Variants in LRP1B observed in about 807,000 individuals in gnomAD.
LRP1B encodes low-density lipoprotein receptor-related protein 1B.
In LRP1B, 217 loss-of-function variants were observed where a neutral mutation model predicts 556.6. The observed-to-expected ratio is 0.39, with a 90% CI of 0.35 to 0.44. LRP1B has a LOEUF of 0.44. LRP1B is among the 20% of genes least tolerant of loss of function. LRP1B has a pLI of 1.00. For missense variants in LRP1B, 5,053 were observed against 5,620.8 expected (o/e 0.90, Z 3.23); for synonymous variants, 2,047 against 1,865.8 (o/e 1.10, Z -2.50).
At chr2:140,542,873 G>A (rs1224445125) in intron 43 of LRP1B, among the ~76,000 whole-genome samples, 1 of 152,108 alleles carries the variant, frequency 6.6e-6, no homozygotes, top group Non-Finnish European at 1.5e-5. Context: ...GCACATGTGT[G>A]CGAGCCAACT....
intron 66 of LRP1B, among the ~76,000 whole-genome samples, chr2:140,427,741 C>A (rs990373045): frequency 1.3e-5 from 2 of 151,998 alleles, no homozygotes; most frequent in African/African-American, 4.8e-5. Flanking sequence ...CCGTCCCAAC[C>A]CCAAGCATCA....
chr2:141,082,891 C>T (rs552304099), intron 7 of LRP1B, among the ~76,000 whole-genome samples: 14 of 152,306 alleles, frequency 9.2e-5, no homozygotes, highest in Admixed American at 2.0e-4. Context: ...TGAGCATGGG[C>T]CAAAGTGGCC....
At chr2:141,870,457 T>G (rs1381617613) in intron 1 of LRP1B, among the ~76,000 whole-genome samples, 1 of 151,950 alleles carries the variant, frequency 6.6e-6, no homozygotes, top group Non-Finnish European at 1.5e-5. Flanking sequence ...TTCCAAATAA[T>G]TTAAACACCC....
intron 7 of LRP1B, among the ~76,000 whole-genome samples, chr2:141,074,528 T>C (rs902975540): frequency 1.3e-5 from 2 of 150,890 alleles, no homozygotes; most frequent in South Asian, 2.1e-4. Context: ...AACTTAGCCA[T>C]ATGTCTGCAC....
At chr2:141,582,568 T>G (rs1264860270) in intron 2 of LRP1B, among the ~76,000 whole-genome samples, 1 of 152,090 alleles carries the variant, frequency 6.6e-6, no homozygotes. Context: ...TTAGTTATAT[T>G]TGTGTGGCTC....
At chr2:141,042,350 T>C (rs1452113274) in intron 11 of LRP1B, among the ~76,000 whole-genome samples, 1 of 152,046 alleles carries the variant, frequency 6.6e-6, no homozygotes, top group Non-Finnish European at 1.5e-5. Flanking sequence ...ACATGTGCCA[T>C]GGTATGTGCA....
At chr2:140,648,360 C>A (rs1226792426) in intron 41 of LRP1B, among the ~76,000 whole-genome samples, 1 of 152,016 alleles carries the variant, frequency 6.6e-6, no homozygotes, top group Non-Finnish European at 1.5e-5. Flanking sequence ...ATGGGTGCAG[C>A]ACACCAATAT....
At chr2:140,314,557 A>G (rs1684439231) in intron 83 of LRP1B, among the ~76,000 whole-genome samples, 1 of 152,104 alleles carries the variant, frequency 6.6e-6, no homozygotes, top group South Asian at 2.1e-4. Context: ...AATAATCCTA[A>G]TTTTCAATAA....
At chr2:140,254,702 T>G (rs1183733627) in intron 86 of LRP1B, among the ~76,000 whole-genome samples, 1 of 151,986 alleles carries the variant, frequency 6.6e-6, no homozygotes, top group African/African-American at 2.4e-5. Flanking sequence ...TACAGGCACT[T>G]GCCACCACAC....
chr2:141,217,290 G>T (rs1682853217), intron 6 of LRP1B, among the ~76,000 whole-genome samples: 1 of 151,984 alleles, frequency 6.6e-6, no homozygotes, highest in Admixed American at 6.6e-5. Context: ...TAGTTTTGTA[G>T]GTTCATTTTC....
At chr2:141,928,548 G>A (rs1700400197) in intron 1 of LRP1B, among the ~76,000 whole-genome samples, 1 of 152,170 alleles carries the variant, frequency 6.6e-6, no homozygotes, top group African/African-American at 2.4e-5. Flanking sequence ...CAGACCTACT[G>A]CTATCACATG....
chr2:140,976,336 TAAC>T (rs150157405), intron 18 of LRP1B, among the ~76,000 whole-genome samples: 1,527 of 152,052 alleles, frequency 0.01, 30 homozygotes, highest in African/African-American at 0.036. Context: ...TTTTGTAAGA[TAAC>T]AAGATTACAA....
rs1445490250 is a variant in LRP1B at position 141,362,831 on chromosome 2, AAACTT to A, written c.344-108195_344-108191del. Reference sequence around the variant, plus strand: ...CTTGCATTAATTAAAAAAAAAAAAAAAACTTAACGTAATGATGTGTTTCATCTTGG... The same window carrying A: ...CTTGCATTAATTAAAAAAAAAAAAAAAACGTAATGATGTGTTTCATCTTGG... On this transcript the variant is annotated intron_variant, in intron 3 of 90. Transcript: ENST00000389484. Among the ~76,000 whole-genome samples the A allele has an allele frequency of 5.3e-5, 8 of 150,776 alleles. No individual in the cohort carries two copies. In the South Asian group the frequency reaches 1.7e-3, roughly 32 times the overall value.
chr2:140,237,914 T>C (rs959407194), intron 89 of LRP1B, among the ~76,000 whole-genome samples: 7 of 150,834 alleles, frequency 4.6e-5, no homozygotes, highest in Non-Finnish European at 1.0e-4. Context: ...AAAAACATGT[T>C]TATAAAAGAA....
At chr2:140,233,380 T>G (rs1680557542) in intron 90 of LRP1B, 54 bp from the exon 91 acceptor site, 3 of 1,282,134 alleles carry the variant, frequency 2.3e-6, no homozygotes, top group African/African-American at 3.0e-5. Flanking sequence ...GCCACATTAA[T>G]TATTTACTTC....
chr2:141,228,126 A>G (rs1047362653), intron 6 of LRP1B, among the ~76,000 whole-genome samples: 1 of 152,128 alleles, frequency 6.6e-6, no homozygotes, highest in Non-Finnish European at 1.5e-5. Flanking sequence ...GGGTTTGGCC[A>G]GGCTGGTTTT....
chr2:140,349,708 C>A (rs192335412), intron 77 of LRP1B, among the ~76,000 whole-genome samples: 3 of 151,862 alleles, frequency 2.0e-5, no homozygotes, highest in African/African-American at 7.2e-5. Flanking sequence ...GCCATGTTAC[C>A]GTAGAAGCAA....
chr2:141,034,948 G>A lies in LRP1B; in HGVS notation c.1789+14038C>T, dbSNP rs547889660. 7.9e-5 allele frequency among the ~76,000 whole-genome samples: 12 copies of A among 152,028 alleles called. No homozygotes were observed. In the East Asian group the frequency reaches 2.1e-3, roughly 27 times the overall value. On this transcript the variant is annotated intron_variant, in intron 11 of 90. Transcript: ENST00000389484. ...CACTATTCACAATAGCAAAGACTTG[G>A]AACCAACCCAAATGTCCAACAATGA... is the stretch of plus-strand genomic sequence containing the variant.
intron 2 of LRP1B, among the ~76,000 whole-genome samples, chr2:141,567,721 A>T (rs1338608359): frequency 6.6e-6 from 1 of 150,468 alleles, no homozygotes; most frequent in Non-Finnish European, 1.5e-5. Flanking sequence ...GAACTCTTTC[A>T]TTATTTTACC....
Sources: gnomAD v4.1 joint callset for allele counts (sites outside exome capture counted in the v4.1 genomes callset) on GRCh38, gnomAD v4.1.1 for gene constraint, MANE v1.5 for transcripts, NCBI Gene and HGNC (gene_info 2026-07-23, HGNC 2026-07-21) for gene names.